CNTN4: variants seen among roughly 807,000 people sequenced by gnomAD.
CNTN4 encodes contactin-4.
A neutral mutation model predicts 122.5 loss-of-function variants in CNTN4; 77 were observed. The ratio of observed to expected loss-of-function variants is 0.63; its 90% CI spans 0.52 to 0.76. CNTN4 has a LOEUF of 0.76. Among genes scored for constraint, CNTN4 ranks in the 30% least tolerant of loss-of-function variants. The pLI is 0.00. For missense variants in CNTN4, 1,256 were observed against 1,259.1 expected (o/e 1.00, Z 0.04); for synonymous variants, 512 against 447.0 (o/e 1.15, Z -1.83).
chr3:2,511,496 C>G lies in CNTN4; in HGVS notation c.-88-59920C>G, dbSNP rs557174070. 10 of 152,348 alleles carry G rather than the reference C, an allele frequency of 6.6e-5. No individual in the cohort carries two copies. The East Asian group carries it at 1.7e-3, about 27-fold the overall frequency. The allele number at this position is 152,348 out of a possible 1,614,324, so 9.4% of individuals were successfully genotyped here. On this transcript the variant is annotated intron_variant, in intron 3 of 24. Transcript: ENST00000418658. ...TGAATGCTGGCGGAGAGCCATGCAG[C>G]GCGCAGCGGAGAGCAGTTCAGCATC...
intron 2 of CNTN4, among the ~76,000 whole-genome samples, chr3:2,214,685 T>C (rs2038763511): frequency 6.6e-6 from 1 of 152,124 alleles, no homozygotes; most frequent in African/African-American, 2.4e-5. Context: ...ACTCAATCTC[T>C]TGAAATCAAT....
intron 2 of CNTN4, among the ~76,000 whole-genome samples, chr3:2,178,402 A>G (rs2149271680): frequency 6.6e-6 from 1 of 152,210 alleles, no homozygotes; most frequent in East Asian, 1.9e-4. Flanking sequence ...ATCCTACCAC[A>G]CAAAGTAGTG....
chr3:2,292,901 C>T (rs533696586), intron 2 of CNTN4, among the ~76,000 whole-genome samples: 5 of 152,300 alleles, frequency 3.3e-5, no homozygotes, highest in African/African-American at 1.2e-4. Flanking sequence ...GACATATGCA[C>T]TCATTTCTAT....
intron 2 of CNTN4, among the ~76,000 whole-genome samples, chr3:2,223,256 C>T (rs952555410): frequency 6.6e-6 from 1 of 152,120 alleles, no homozygotes; most frequent in African/African-American, 2.4e-5. Context: ...TCCAGTTGCC[C>T]TGTGGGTGTC....
chr3:2,889,471 T>C (rs1278113841), intron 10 of CNTN4, among the ~76,000 whole-genome samples: 1 of 152,230 alleles, frequency 6.6e-6, no homozygotes, highest in Non-Finnish European at 1.5e-5. Flanking sequence ...GACACCACAG[T>C]TAACTGACTG....
At chr3:2,537,272 G>A (rs1479534) in intron 3 of CNTN4, among the ~76,000 whole-genome samples, 1,928 of 152,128 alleles carry the variant, frequency 0.013, 156 homozygotes, top group Admixed American at 0.12. Context: ...AGGTTCCTAC[G>A]ACTCCATTAA....
chr3:3,042,868 G>A lies in CNTN4; in HGVS notation c.2512-109G>A, dbSNP rs970224041. On this transcript the variant is annotated intron_variant, in intron 21 of 24. Transcript: ENST00000418658. Reference sequence around the variant, plus strand: ...TCCTGATAGCTCTGCTCATGATGTAGTATAGAAAACTAACTCCATCATAAG... The same window carrying A: ...TCCTGATAGCTCTGCTCATGATGTAATATAGAAAACTAACTCCATCATAAG... 11 of 844,546 alleles carry A rather than the reference G, an allele frequency of 1.3e-5. No homozygotes were observed. In the African/African-American group the frequency reaches 1.5e-4, roughly 12 times the overall value. 52.3% of individuals were successfully genotyped at this position (844,546 alleles called of 1,614,324 possible). A position where few individuals can be genotyped will look rare whatever the true frequency, so the allele number is the denominator to read the frequency against.
At chr3:2,691,085 T>C (rs1293470696) in intron 4 of CNTN4, among the ~76,000 whole-genome samples, 1 of 152,098 alleles carries the variant, frequency 6.6e-6, no homozygotes, top group East Asian at 1.9e-4. Context: ...GGAATCAGTG[T>C]TTAGTTTTTA....
intron 13 of CNTN4, among the ~76,000 whole-genome samples, chr3:2,949,433 C>T (rs566629028): frequency 6.6e-6 from 1 of 152,278 alleles, no homozygotes; most frequent in South Asian, 2.1e-4. Context: ...CCTAGCGATG[C>T]TTTCAGGAAG....
intron 2 of CNTN4, among the ~76,000 whole-genome samples, chr3:2,275,919 C>CAAA (rs767326367): frequency 1.0e-4 from 11 of 107,068 alleles, no homozygotes; most frequent in South Asian, 3.1e-4. Flanking sequence ...GACTCTGTCT[C>CAAA]AAAAAAAAAA....
At chr3:2,264,180 G>A (rs1406967677) in intron 2 of CNTN4, among the ~76,000 whole-genome samples, 1 of 152,052 alleles carries the variant, frequency 6.6e-6, no homozygotes, top group Non-Finnish European at 1.5e-5. Context: ...AGTTTTTTGA[G>A]GAAACTCCTT....
At chr3:2,377,494 G>A (rs961192719) in intron 3 of CNTN4, among the ~76,000 whole-genome samples, 1 of 152,138 alleles carries the variant, frequency 6.6e-6, no homozygotes, top group South Asian at 2.1e-4. Flanking sequence ...TAGAGATCTG[G>A]TATCTTCACA....
At chr3:2,270,350 T>C (rs2041242154) in intron 2 of CNTN4, among the ~76,000 whole-genome samples, 1 of 152,100 alleles carries the variant, frequency 6.6e-6, no homozygotes, top group Admixed American at 6.6e-5. Flanking sequence ...GTACAGATTA[T>C]TTTGTCACCC....
At chr3:2,425,858 GCTCT>G in intron 3 of CNTN4, among the ~76,000 whole-genome samples, 1 of 152,046 alleles carries the variant, frequency 6.6e-6, no homozygotes, top group Non-Finnish European at 1.5e-5. Flanking sequence ...TCATGATTTG[GCTCT>G]CTGTTTGTCT....
At chr3:2,629,199 A>G (rs891710437) in intron 4 of CNTN4, among the ~76,000 whole-genome samples, 3 of 152,200 alleles carry the variant, frequency 2.0e-5, no homozygotes, top group Non-Finnish European at 4.4e-5. Context: ...TCAGGGAGAC[A>G]TACACAGAAA....
intron 6 of CNTN4, among the ~76,000 whole-genome samples, chr3:2,765,707 A>G (rs2090828232): frequency 6.6e-6 from 1 of 152,200 alleles, no homozygotes; most frequent in Admixed American, 6.5e-5. Context: ...TAGTTATAAA[A>G]CAGGTGCCCT....
chr3:2,959,419 T>G (rs2094831066), intron 13 of CNTN4, among the ~76,000 whole-genome samples: 1 of 152,168 alleles, frequency 6.6e-6, no homozygotes, highest in African/African-American at 2.4e-5. Context: ...CATAAAGTCT[T>G]TAAGTCTCCA....
At chr3:2,784,884 A>T (rs956764) in intron 6 of CNTN4, among the ~76,000 whole-genome samples, 1 of 152,128 alleles carries the variant, frequency 6.6e-6, no homozygotes, top group African/African-American at 2.4e-5. Flanking sequence ...CTCCTACAGA[A>T]GTAAGTGCTG....
rs770392106 is a variant in CNTN4 at position 3,030,827 on chromosome 3, T to C, written c.1663-28T>C. ...ATATTTAGAGCTCATTAAAAAGTAA[T>C]TGCAGCCACTTTCCCCTACTTTATC... is the stretch of plus-strand genomic sequence containing the variant. On this transcript the variant is annotated intron_variant, in intron 15 of 24. Transcript: ENST00000418658. 1.9e-6 allele frequency: 3 copies of C among 1,613,150 alleles called. No homozygotes were observed. The East Asian group carries it at 6.7e-5, about 36-fold the overall frequency.
Sources: allele counts gnomAD v4.1 joint callset (sites outside exome capture counted in the v4.1 genomes callset), GRCh38; gene constraint gnomAD v4.1.1; transcripts MANE v1.5; gene names NCBI Gene and HGNC (gene_info 2026-07-23, HGNC 2026-07-21).